Variants in RBFOX1 observed in about 807,000 individuals in gnomAD.
RBFOX1 encodes the protein RNA binding fox-1 homolog 1.
Under a neutral mutation model 57.7 loss-of-function variants are expected in RBFOX1, and 8 were observed. That is an observed-to-expected ratio of 0.14 (90% CI 0.08 to 0.25). The LOEUF is 0.25. Ranked by LOEUF, RBFOX1 falls within the 10% of genes least tolerant of loss-of-function variation. The pLI is 1.00. For synonymous variants in RBFOX1, 326 were observed against 222.4 expected (o/e 1.47, Z -4.15); for missense variants, 611 against 548.5 (o/e 1.11, Z -1.14).
chr16:6,977,391 C>G lies in RBFOX1; in HGVS notation c.-15-74666C>G, dbSNP rs978566868. On this transcript the variant is annotated intron_variant, in intron 3 of 15. Transcript: ENST00000550418. ...CTAGATACCGGGATATCTGGACACT[C>G]GCAAGTCTGGTTCTGTTTAGCAAAC... 4.6e-5 allele frequency among the ~76,000 whole-genome samples: 7 copies of G among 151,982 alleles called. 1 individual carries two copies. Among genetic ancestry groups the G allele is most frequent in the African/African-American group, 1.7e-4 (7 of 41,358 alleles).
At chr16:7,314,880 C>A (rs1301790197) in intron 4 of RBFOX1, among the ~76,000 whole-genome samples, 1 of 152,134 alleles carries the variant, frequency 6.6e-6, no homozygotes, top group African/African-American at 2.4e-5. Context: ...AAAAAGAATG[C>A]AGCTTCGTTT....
chr16:7,140,154 C>T (rs566478126), intron 4 of RBFOX1, among the ~76,000 whole-genome samples: 1 of 121,832 alleles, frequency 8.2e-6, no homozygotes, highest in Non-Finnish European at 1.6e-5. Context: ...CTCTCCTTCT[C>T]TCCCTCTCTC....
intron 3 of RBFOX1, among the ~76,000 whole-genome samples, chr16:5,658,923 A>T (rs1447364726): frequency 6.6e-6 from 1 of 151,302 alleles, no homozygotes. Context: ...TCGTTAATTG[A>T]TGGACACTTG....
intron 1 of RBFOX1, among the ~76,000 whole-genome samples, chr16:5,438,545 G>A (rs996348845): frequency 1.3e-5 from 2 of 152,098 alleles, no homozygotes; most frequent in Admixed American, 6.6e-5. Context: ...TGCAGGAAAG[G>A]CTCCCCACCC....
chr16:6,337,741 A>T (rs2083969607), intron 2 of RBFOX1, among the ~76,000 whole-genome samples: 1 of 152,052 alleles, frequency 6.6e-6, no homozygotes, highest in African/African-American at 2.4e-5. Context: ...CTGTAAAAAA[A>T]ATAAAAGTAT....
intron 3 of RBFOX1, among the ~76,000 whole-genome samples, chr16:5,689,798 T>C (rs1292368209): frequency 2.6e-5 from 2 of 76,408 alleles, no homozygotes; most frequent in Non-Finnish European, 7.1e-5. Context: ...TAATAAGAAA[T>C]ACAGACCAAA....
At chr16:5,455,497 C>A (rs1281773362) in intron 1 of RBFOX1, among the ~76,000 whole-genome samples, 1 of 152,148 alleles carries the variant, frequency 6.6e-6, no homozygotes, top group African/African-American at 2.4e-5. Context: ...GTTTTCAAAA[C>A]CACCCCAAGG....
chr16:6,256,984 G>T (rs895857044), intron 1 of RBFOX1, among the ~76,000 whole-genome samples: 1 of 152,158 alleles, frequency 6.6e-6, no homozygotes, highest in Non-Finnish European at 1.5e-5. Context: ...CATTCCATGA[G>T]TAGATGTGAG....
intron 4 of RBFOX1, among the ~76,000 whole-genome samples, chr16:5,910,130 A>G (rs1435711144): frequency 1.3e-5 from 2 of 152,154 alleles, no homozygotes; most frequent in Non-Finnish European, 1.5e-5. Context: ...CAACCTGCTC[A>G]GAGGCAACTT....
At chr16:6,989,744 A>T (rs1321090155) in intron 3 of RBFOX1, among the ~76,000 whole-genome samples, 2 of 152,146 alleles carry the variant, frequency 1.3e-5, no homozygotes, top group Non-Finnish European at 2.9e-5. Context: ...TCACACCTGT[A>T]ATTCCAGCAC....
chr16:6,236,140 A>G (rs1301751039), intron 1 of RBFOX1, among the ~76,000 whole-genome samples: 1 of 152,228 alleles, frequency 6.6e-6, no homozygotes, highest in Non-Finnish European at 1.5e-5. Context: ...CATATTCCAT[A>G]CTTTATTTTT....
At chr16:6,629,375 A>C (rs1351675157) in intron 2 of RBFOX1, among the ~76,000 whole-genome samples, 1 of 152,220 alleles carries the variant, frequency 6.6e-6, no homozygotes, top group Non-Finnish European at 1.5e-5. Context: ...AGGATGTTTA[A>C]CGACTTTTGG....
intron 3 of RBFOX1, among the ~76,000 whole-genome samples, chr16:5,668,195 T>A (rs1243111243): frequency 6.6e-6 from 1 of 152,094 alleles, no homozygotes; most frequent in Non-Finnish European, 1.5e-5. Context: ...GCAGGAGAAT[T>A]GTTTGAACCC....
chr16:7,082,007 C>T (rs1217854168), intron 4 of RBFOX1, among the ~76,000 whole-genome samples: 2 of 152,114 alleles, frequency 1.3e-5, no homozygotes, highest in Non-Finnish European at 2.9e-5. Flanking sequence ...AGCCACGTGG[C>T]TGAAAGTGGA....
At chr16:6,872,303 C>G (rs1432228307) in intron 3 of RBFOX1, among the ~76,000 whole-genome samples, 2 of 152,174 alleles carry the variant, frequency 1.3e-5, no homozygotes, top group Admixed American at 1.3e-4. Context: ...GTTTGCTTCT[C>G]TGCAGTCTGT....
chr16:6,077,684 T>TTTTATTTATTTA (rs371733627), intron 1 of RBFOX1, among the ~76,000 whole-genome samples: 8,862 of 142,660 alleles, frequency 0.062, 295 homozygotes, highest in Non-Finnish European at 0.078. Flanking sequence ...CTTCTTTTAT[T>TTTTATTTATTTA]TTTACTTATT....
At chr16:5,882,007 A>C (rs1045901443) in intron 4 of RBFOX1, among the ~76,000 whole-genome samples, 4 of 152,198 alleles carry the variant, frequency 2.6e-5, no homozygotes, top group African/African-American at 9.7e-5. Context: ...AGTATTTTAC[A>C]TACTTAATCT....
At chr16:7,126,202 C>T (rs117236813) in intron 4 of RBFOX1, 2,069 of 163,964 alleles carry the variant, frequency 0.013, 26 homozygotes, top group Non-Finnish European at 0.021. Context: ...CTGTCTGGCA[C>T]AGATACACTT....
chr16:6,521,447 T>TC (rs2096495536), intron 2 of RBFOX1, among the ~76,000 whole-genome samples: 2 of 71,924 alleles, frequency 2.8e-5, no homozygotes, highest in African/African-American at 1.1e-4. Flanking sequence ...TCCCCTCCCC[T>TC]CCCGTCCCCT....
Sources: allele counts gnomAD v4.1 joint callset (sites outside exome capture counted in the v4.1 genomes callset), GRCh38; gene constraint gnomAD v4.1.1; transcripts MANE v1.5; gene names NCBI Gene and HGNC (gene_info 2026-07-23, HGNC 2026-07-21).